The following DIAPH3 variants were observed in gnomAD, a reference collection of about 807,000 sequenced individuals.
DIAPH3 encodes diaphanous related formin 3.
Under a neutral mutation model 144.3 loss-of-function variants are expected in DIAPH3, and 117 were observed. The ratio of observed to expected loss-of-function variants is 0.81; its 90% CI spans 0.70 to 0.95. DIAPH3 has a LOEUF of 0.95. DIAPH3 is among the 40% of genes least tolerant of loss of function. DIAPH3 has a pLI of 0.00. For missense variants in DIAPH3, 1,421 were observed against 1,412.7 expected, an observed-to-expected ratio of 1.01 and a Z score of -0.09; for synonymous variants, 519 against 488.9, an observed-to-expected ratio of 1.06 and a Z score of -0.81.
chr13:60,087,080 T>C (rs1397520288), intron 4 of DIAPH3, among the ~76,000 whole-genome samples: 1 of 152,198 alleles, frequency 6.6e-6, no homozygotes, highest in African/African-American at 2.4e-5. Flanking sequence ...ACGTAAATGC[T>C]ATGTAAATAG....
At chr13:59,896,381 G>A (rs532007166) in intron 20 of DIAPH3, among the ~76,000 whole-genome samples, 67 of 152,058 alleles carry the variant, frequency 4.4e-4, no homozygotes, top group East Asian at 1.5e-3. Context: ...CTCTCTCCCC[G>A]CTCCCTTTAT....
chr13:59,917,889 C>CAAAAAA (rs60792156), intron 18 of DIAPH3, among the ~76,000 whole-genome samples: 15 of 18,646 alleles, frequency 8.0e-4, no homozygotes, highest in Non-Finnish European at 1.1e-3. Flanking sequence ...GACTCTGTCT[C>CAAAAAA]AAAAAAAAAA....
chr13:59,821,078 A>G (rs1182624511), intron 24 of DIAPH3, among the ~76,000 whole-genome samples: 1 of 152,038 alleles, frequency 6.6e-6, no homozygotes, highest in Non-Finnish European at 1.5e-5. Context: ...TGGATACTCA[A>G]GCAATACAAG....
At chr13:59,669,484 A>C (rs1200449028) in intron 27 of DIAPH3, among the ~76,000 whole-genome samples, 1 of 152,120 alleles carries the variant, frequency 6.6e-6, no homozygotes, top group South Asian at 2.1e-4. Context: ...TTATCTGCCT[A>C]CTGCACACAC....
intron 2 of DIAPH3, among the ~76,000 whole-genome samples, chr13:60,121,952 T>C (rs2058856828): frequency 6.6e-6 from 1 of 152,154 alleles, no homozygotes; most frequent in Non-Finnish European, 1.5e-5. Context: ...CCTAGCCTTC[T>C]AACCTGCCTC....
intron 22 of DIAPH3, among the ~76,000 whole-genome samples, chr13:59,847,681 G>T: frequency 6.6e-6 from 1 of 152,194 alleles, no homozygotes; most frequent in Non-Finnish European, 1.5e-5. Flanking sequence ...TACATGGGAG[G>T]GCAATTTTAC....
intron 4 of DIAPH3, among the ~76,000 whole-genome samples, chr13:60,073,262 C>T (rs1230738900): frequency 6.0e-5 from 9 of 150,816 alleles, no homozygotes; most frequent in East Asian, 5.8e-4. Context: ...TGAGCCGAGG[C>T]GGCGCCACTG....
intron 18 of DIAPH3, among the ~76,000 whole-genome samples, chr13:59,918,849 G>A (rs1468352971): frequency 6.6e-6 from 1 of 151,296 alleles, no homozygotes; most frequent in Non-Finnish European, 1.5e-5. Flanking sequence ...AAAATCAGCT[G>A]CCAGTGATGT....
At chr13:59,915,556 T>C (rs2047182833) in intron 19 of DIAPH3, among the ~76,000 whole-genome samples, 1 of 152,080 alleles carries the variant, frequency 6.6e-6, no homozygotes, top group South Asian at 2.1e-4. Flanking sequence ...TTAAATTTTA[T>C]CAAGATATAC....
chr13:59,695,889 T>C (rs1398674580), intron 27 of DIAPH3: 1 of 152,178 alleles, frequency 6.6e-6, no homozygotes, highest in Non-Finnish European at 1.5e-5. Flanking sequence ...TTTAATAATA[T>C]AAAAGAGGTC....
intron 4 of DIAPH3, among the ~76,000 whole-genome samples, chr13:60,089,183 A>G (rs1341911364): frequency 6.6e-6 from 1 of 152,170 alleles, no homozygotes; most frequent in Non-Finnish European, 1.5e-5. Context: ...TCACAGACAT[A>G]GGTATGATGC....
chr13:59,861,267 C>A, intron 22 of DIAPH3, 140 bp downstream of exon 22: 1 of 1,541,482 alleles, frequency 6.5e-7, no homozygotes, highest in Non-Finnish European at 8.7e-7. Flanking sequence ...TATCCTACAA[C>A]TCTCTTTATT....
intron 9 of DIAPH3, among the ~76,000 whole-genome samples, chr13:59,997,753 GT>G (rs1346127004): frequency 2.6e-5 from 4 of 152,054 alleles, no homozygotes; most frequent in Non-Finnish European, 5.9e-5. Context: ...TTAGAAAGTT[GT>G]CTAATAGCAA....
intron 22 of DIAPH3, among the ~76,000 whole-genome samples, chr13:59,860,436 T>C (rs954874675): frequency 3.0e-4 from 46 of 152,230 alleles, no homozygotes; most frequent in African/African-American, 1.1e-3. Flanking sequence ...AGAATCAATG[T>C]GAAATATAAA....
chr13:59,858,020 T>C (rs757448242), intron 22 of DIAPH3, among the ~76,000 whole-genome samples: 1 of 152,190 alleles, frequency 6.6e-6, no homozygotes, highest in African/African-American at 2.4e-5. Context: ...TGGCATAATA[T>C]GATTCTGACA....
At chr13:59,995,901 G>T (rs1471079385) in intron 9 of DIAPH3, among the ~76,000 whole-genome samples, 1 of 152,002 alleles carries the variant, frequency 6.6e-6, no homozygotes, top group Non-Finnish European at 1.5e-5. Context: ...GAAAAAGGAG[G>T]TGTCAGAACT....
At position 59,839,442 on chromosome 13, in the gene DIAPH3, A is replaced by G. The variant is rs769298730; in HGVS notation, c.2744T>C (p.Val915Ala). 2 of 1,613,322 alleles carry G rather than the reference A, an allele frequency of 1.2e-6. No homozygotes were observed. Among genetic ancestry groups the G allele is most frequent in the South Asian group, 1.1e-5 (1 of 91,078 alleles). ...CCTCAAATTCTTTTCCAGCGTTTCT[A>G]CAGAGACTAAAAGAGAGTATATTAA... ...EPLDKASKVS[V>A]ETLEKNLRQM... Residue 915 changes from valine (V) to alanine (A), a missense_variant, in exon 23 of 28, where the codon GTA becomes GCA. Transcript: ENST00000400324.
At chr13:59,754,492 C>A (rs576156905) in intron 27 of DIAPH3, among the ~76,000 whole-genome samples, 1 of 152,166 alleles carries the variant, frequency 6.6e-6, no homozygotes, top group Non-Finnish European at 1.5e-5. Flanking sequence ...CTCCGCTCTA[C>A]CATTTAGCAG....
intron 4 of DIAPH3, among the ~76,000 whole-genome samples, chr13:60,046,594 C>A (rs2056078509): frequency 6.6e-6 from 1 of 152,094 alleles, no homozygotes; most frequent in African/African-American, 2.4e-5. Flanking sequence ...ACTAGAAATA[C>A]CATTTGACCG....
Sources: allele counts gnomAD v4.1 joint callset (sites outside exome capture counted in the v4.1 genomes callset), GRCh38; gene constraint gnomAD v4.1.1; transcripts MANE v1.5; gene names NCBI Gene and HGNC (gene_info 2026-07-23, HGNC 2026-07-21).